Variants in ZC3H3 observed in about 807,000 individuals in gnomAD.
ZC3H3 encodes the protein zinc finger CCCH-type containing 3.
Under a neutral mutation model 77.3 loss-of-function variants are expected in ZC3H3, and 36 were observed. The observed-to-expected ratio is 0.47, with a 90% confidence interval of 0.36 to 0.61. The LOEUF is 0.61. ZC3H3 is among the 20% of genes least tolerant of loss of function. The probability of loss-of-function intolerance (pLI) is 0.00; values close to 1 mark genes in which losing one functional copy is unlikely to be tolerated. For synonymous variants in ZC3H3, 626 were observed against 555.2 expected (o/e 1.13, Z -1.79); for missense variants, 1,331 against 1,312.2 (o/e 1.01, Z -0.22).
chr8:143,461,862 T>C (rs975797933), intron 9 of ZC3H3, among the ~76,000 whole-genome samples: 1 of 151,712 alleles, frequency 6.6e-6, no homozygotes, highest in African/African-American at 2.4e-5. Context: ...TGAAAACAAC[T>C]GAAAGCTGCG....
chr8:143,483,313 G>C (rs1820959118), intron 4 of ZC3H3, among the ~76,000 whole-genome samples: 2 of 152,214 alleles, frequency 1.3e-5, no homozygotes, highest in African/African-American at 4.8e-5. Context: ...TGCGCGTGTG[G>C]GGCTGGCTGG....
chr8:143,443,121 C>T (rs10113149), intron 9 of ZC3H3, among the ~76,000 whole-genome samples: 160 of 151,962 alleles, frequency 1.1e-3, no homozygotes, highest in African/African-American at 3.7e-3. Context: ...ACCGTCTCTA[C>T]TAAAAACACA....
At chr8:143,495,292 A>G (rs182907926) in intron 4 of ZC3H3, among the ~76,000 whole-genome samples, 3 of 152,378 alleles carry the variant, frequency 2.0e-5, no homozygotes, top group Admixed American at 1.3e-4. Context: ...GAGTGAGCCA[A>G]GCTGGAAGCA....
At chr8:143,438,234 G>A (rs900581586) in intron 11 of ZC3H3, 147 bp from the exon 12 acceptor site, 8 of 1,036,656 alleles carry the variant, frequency 7.7e-6, no homozygotes, top group African/African-American at 3.2e-5. Flanking sequence ...TCCTGAGTTC[G>A]AGGGAGAAGA....
chr8:143,478,556 C>G (rs926095955), intron 4 of ZC3H3, among the ~76,000 whole-genome samples: 4 of 152,246 alleles, frequency 2.6e-5, no homozygotes, highest in Admixed American at 2.6e-4. Flanking sequence ...GTGACCCAGG[C>G]TAGAGTGCAA....
chr8:143,532,860 C>T (rs551098156), intron 3 of ZC3H3, among the ~76,000 whole-genome samples: 2 of 152,300 alleles, frequency 1.3e-5, no homozygotes, highest in African/African-American at 4.8e-5. Context: ...ACCTCCCCTG[C>T]GGCCAGCTTG....
chr8:143,452,328 G>A (rs1820008992), intron 9 of ZC3H3, among the ~76,000 whole-genome samples: 1 of 152,158 alleles, frequency 6.6e-6, no homozygotes, highest in African/African-American at 2.4e-5. Context: ...GGGAAGGTCT[G>A]TTTTCCACAC....
At chr8:143,516,876 T>C (rs1446679936) in intron 3 of ZC3H3, among the ~76,000 whole-genome samples, 1 of 152,220 alleles carries the variant, frequency 6.6e-6, no homozygotes, top group East Asian at 1.9e-4. Context: ...GACAGGGCCA[T>C]AAGTCACCCT....
chr8:143,530,956 C>CTTTTTTT lies in ZC3H3; in HGVS notation c.1561+5294_1561+5300dup, dbSNP rs3058418. Among the ~76,000 whole-genome samples the CTTTTTTT allele has an allele frequency of 7.5e-6, 1 of 133,524 alleles. No individual in the cohort carries two copies. The highest frequency in any genetic ancestry group is 7.5e-5 in the Admixed American group (1 of 13,302). 87.6% of individuals were successfully genotyped at this position (133,524 alleles called of 152,430 possible). On this transcript the variant is annotated intron_variant, in intron 3 of 11. Transcript: ENST00000262577. This position sits in a 1 kb window ranked among gnomAD's most constrained non-coding sequence, Gnocchi z 4.3. ...CCCTTCTGGGGCTGTCTTCTATCTCCTTTTTTTTTTTTTTTTTTTTTGAGA... is the reference window on the plus strand; with the variant it reads ...CCCTTCTGGGGCTGTCTTCTATCTCCTTTTTTTTTTTTTTTTTTTTTTTTTTTTGAGA...
chr8:143,530,892 T>C lies in ZC3H3; in HGVS notation c.1561+5365A>G, dbSNP rs1206409870. The stretch of plus-strand genomic sequence containing the variant: ...AGAGACAGATCAACCCAGGCAGGTC[T>C]CTACTGCAGCCTCCAGCAAACATTA... On this transcript the variant is annotated intron_variant, in intron 3 of 11. Transcript: ENST00000262577. This position sits in a 1 kb window ranked among gnomAD's most constrained non-coding sequence, Gnocchi z 4.3. Among the ~76,000 whole-genome samples the C allele has an allele frequency of 6.6e-6, 1 of 151,702 alleles. No homozygotes were observed. The highest frequency in any genetic ancestry group is 1.5e-5 in the Non-Finnish European group (1 of 67,980).
intron 9 of ZC3H3, among the ~76,000 whole-genome samples, chr8:143,446,064 G>A (rs372186657): frequency 3.9e-5 from 6 of 152,152 alleles, no homozygotes; most frequent in African/African-American, 7.2e-5. Flanking sequence ...CAGACCTCAC[G>A]ACAGGAGGGA....
chr8:143,481,572 T>C (rs1820909306), intron 4 of ZC3H3, among the ~76,000 whole-genome samples: 1 of 152,154 alleles, frequency 6.6e-6, no homozygotes, highest in African/African-American at 2.4e-5. Context: ...GATTTGAAGA[T>C]TTCTTCCTGC....
In ZC3H3 at chr8:143,440,327, C is replaced by A. The variant is rs539555784; in HGVS notation, c.2529G>T (p.Thr843=). Residue 843 remains threonine, a synonymous_variant, in exon 11 of 12, where the codon ACG becomes ACT. Coordinates refer to ENST00000262577, the MANE Select transcript of ZC3H3 (RefSeq NM_015117.3). The stretch of plus-strand genomic sequence containing the variant: ...CCGCAGTGAGGGCAGCCGAGCTGGG[C>A]GTCTGCCTGGTGGGGCGCTGGGATG... ...PSASQRPTRQ[T]PSSAALTAAA... 1 of 1,543,290 alleles carries A rather than the reference C, an allele frequency of 6.5e-7. No individual in the cohort carries two copies. Among genetic ancestry groups the A allele is most frequent in the South Asian group, 1.2e-5 (1 of 81,602 alleles).
At chr8:143,477,568 A>T (rs980020429) in intron 4 of ZC3H3, among the ~76,000 whole-genome samples, 1 of 152,102 alleles carries the variant, frequency 6.6e-6, no homozygotes, top group Non-Finnish European at 1.5e-5. Flanking sequence ...CTGTACCTTC[A>T]GCTTATCCTG....
chr8:143,476,875 C>T (rs899091700), intron 4 of ZC3H3, among the ~76,000 whole-genome samples: 10 of 152,228 alleles, frequency 6.6e-5, no homozygotes, highest in South Asian at 2.1e-4. Context: ...CATCCACAGC[C>T]GCAGGAGACC....
At chr8:143,525,175 T>G (rs972819939) in intron 3 of ZC3H3, among the ~76,000 whole-genome samples, 1 of 131,874 alleles carries the variant, frequency 7.6e-6, no homozygotes, top group South Asian at 2.6e-4. Context: ...TGGCTTCTCC[T>G]GGCCTGGGTG....
intron 3 of ZC3H3, among the ~76,000 whole-genome samples, chr8:143,509,356 C>T (rs1341116925): frequency 6.6e-6 from 1 of 152,282 alleles, no homozygotes; most frequent in Non-Finnish European, 1.5e-5. Flanking sequence ...CACCTTCCAG[C>T]CCTGCTGCAG....
intron 3 of ZC3H3, among the ~76,000 whole-genome samples, chr8:143,515,560 G>C (rs13254347): frequency 0.18 from 28,064 of 152,244 alleles, 2,905 homozygotes; most frequent in Non-Finnish European, 0.24. Flanking sequence ...GGAAAGATTC[G>C]GGTAGGGCTC....
rs762542564 is a variant in ZC3H3, at chr8:143,538,894, C to T, written c.473G>A (p.Arg158Lys). Residue 158 changes from arginine to lysine, a missense_variant, in exon 2 of 12, where the codon AGG (arginine) becomes AAG (lysine). This residue lies in a region of ZC3H3 where 978 missense variants were observed against 915.5 expected (regional missense o/e 1.07). Transcript: ENST00000262577. ...GGGCTCACCTTCACCTTCCCGGGGC[C>T]TTTGGTCACTCCAGGGGGTTTCCTC... The part of the protein sequence containing the change: ...EFEETPWSDQ[R>K]PREGEGEPPR... The T allele has an allele frequency of 1.9e-6, 3 of 1,612,890 alleles. No homozygotes were observed. In the Admixed American group the frequency reaches 5.0e-5, roughly 27 times the overall value.
Sources: allele counts gnomAD v4.1 joint callset (sites outside exome capture counted in the v4.1 genomes callset), GRCh38; gene constraint gnomAD v4.1.1; regional missense constraint gnomAD v4.1.1; non-coding constraint Gnocchi (gnomAD v3.1); transcripts MANE v1.5; gene names NCBI Gene and HGNC (gene_info 2026-07-23, HGNC 2026-07-21).